Variants in CWF19L2 observed in about 807,000 individuals in gnomAD.
CWF19L2 encodes CWF19-like protein 2.
A neutral mutation model predicts 111.7 loss-of-function variants in CWF19L2; 98 were observed. That is an observed-to-expected ratio of 0.88 (90% CI 0.75 to 1.04). The LOEUF is 1.04. CWF19L2 is among the 50% of genes least tolerant of loss of function. The pLI, the probability that CWF19L2 is intolerant of heterozygous loss-of-function variation, is 0.00. For synonymous variants in CWF19L2, 351 were observed against 342.9 expected, an observed-to-expected ratio of 1.02 and a Z score of -0.26; for missense variants, 1,101 against 1,051.4, an observed-to-expected ratio of 1.05 and a Z score of -0.65.
intron 12 of CWF19L2, among the ~76,000 whole-genome samples, chr11:107,367,266 T>C (rs1294789992): frequency 2.2e-5 from 3 of 134,904 alleles, no homozygotes; most frequent in Non-Finnish European, 4.8e-5. Flanking sequence ...GAAGTCAGTG[T>C]GGCGATTCCT....
At chr11:107,414,877 T>C (rs1479752643) in intron 10 of CWF19L2, among the ~76,000 whole-genome samples, 2 of 152,220 alleles carry the variant, frequency 1.3e-5, no homozygotes, top group Non-Finnish European at 2.9e-5. Flanking sequence ...ATAGCTACTA[T>C]CTGTCTTGGT....
At chr11:107,410,496 A>G (rs1393052108) in intron 10 of CWF19L2, among the ~76,000 whole-genome samples, 5 of 151,918 alleles carry the variant, frequency 3.3e-5, no homozygotes, top group African/African-American at 1.2e-4. Context: ...TCCTTAGGGG[A>G]AAAAAAAGCT....
At chr11:107,344,099 G>A (rs1470661401) in intron 14 of CWF19L2, among the ~76,000 whole-genome samples, 2 of 152,172 alleles carry the variant, frequency 1.3e-5, no homozygotes, top group African/African-American at 4.8e-5. Context: ...TGTAGTGCCA[G>A]CTACTCAGGA....
chr11:107,408,922 G>A (rs945703655), intron 10 of CWF19L2, among the ~76,000 whole-genome samples: 3 of 151,964 alleles, frequency 2.0e-5, no homozygotes, highest in African/African-American at 7.2e-5. Context: ...AAAATTGAGA[G>A]TGCAAAGGCC....
chr11:107,404,538 G>C (rs1861051201), intron 10 of CWF19L2: 1 of 687,500 alleles, frequency 1.5e-6, no homozygotes, highest in Admixed American at 1.9e-5. Flanking sequence ...CTGGGCATTT[G>C]TGTTGCAGGA....
chr11:107,447,833 A>G (rs1591211003), intron 3 of CWF19L2, among the ~76,000 whole-genome samples: 1 of 152,234 alleles, frequency 6.6e-6, no homozygotes, highest in African/African-American at 2.4e-5. Flanking sequence ...TAATTGAAAC[A>G]GAACAGGAAA....
At chr11:107,412,936 G>T (rs886218372) in intron 10 of CWF19L2, among the ~76,000 whole-genome samples, 2 of 152,156 alleles carry the variant, frequency 1.3e-5, no homozygotes, top group African/African-American at 4.8e-5. Flanking sequence ...CAAAACTATG[G>T]AGACTAAAAA....
chr11:107,440,662 T>C (rs1179388503), intron 5 of CWF19L2, among the ~76,000 whole-genome samples: 3 of 152,168 alleles, frequency 2.0e-5, no homozygotes, highest in Non-Finnish European at 2.9e-5. Context: ...AGATACTATC[T>C]GAAAATGTAT....
intron 3 of CWF19L2, among the ~76,000 whole-genome samples, chr11:107,451,378 G>A (rs987547436): frequency 2.0e-5 from 3 of 152,008 alleles, no homozygotes; most frequent in African/African-American, 4.8e-5. Context: ...AATCAGTGGC[G>A]ATACATTCAT....
At chr11:107,394,979 A>G (rs1860901247) in intron 10 of CWF19L2, among the ~76,000 whole-genome samples, 1 of 152,230 alleles carries the variant, frequency 6.6e-6, no homozygotes, top group Non-Finnish European at 1.5e-5. Context: ...TAGACATTAA[A>G]TATTTGTTAC....
At chr11:107,454,642 G>GAA in intron 2 of CWF19L2, 70 bp from the exon 3 acceptor site, 1 of 1,073,264 alleles carries the variant, frequency 9.3e-7, no homozygotes, top group Non-Finnish European at 1.2e-6. Flanking sequence ...TATTCTGAGA[G>GAA]AAAAAAAATA....
In CWF19L2 at chr11:107,374,116, T is replaced by A. The variant is rs1253369804; in HGVS notation, c.1872+15958A>T. 2.2e-5 allele frequency among the ~76,000 whole-genome samples: 3 copies of A among 135,038 alleles called. 1 individual carries two copies. Among genetic ancestry groups the A allele is most frequent in the African/African-American group, 6.1e-5 (2 of 32,916 alleles). 88.6% of individuals were successfully genotyped at this position (135,038 alleles called of 152,430 possible). A position where few individuals can be genotyped will look rare whatever the true frequency, so the allele number is the denominator to read the frequency against. On this transcript the variant is annotated intron_variant, in intron 12 of 17. Transcript: ENST00000282251. ...GCAAAGCCTCCAAGAAATATGGGAC[T>A]ATGTGAAAAGACCAAATCTACGTCG...
At chr11:107,390,918 G>GC (rs749176037) in intron 11 of CWF19L2, among the ~76,000 whole-genome samples, 3 of 152,206 alleles carry the variant, frequency 2.0e-5, no homozygotes, top group Non-Finnish European at 4.4e-5. Context: ...TCAGCTGCCA[G>GC]CGAGTCAGAG....
At chr11:107,418,529 A>G (rs112214578) in intron 8 of CWF19L2, among the ~76,000 whole-genome samples, 2 of 152,200 alleles carry the variant, frequency 1.3e-5, no homozygotes, top group Non-Finnish European at 2.9e-5. Flanking sequence ...TAACAATGAG[A>G]TAAATAGTAC....
intron 17 of CWF19L2, among the ~76,000 whole-genome samples, chr11:107,327,348 T>A (rs1264055401): frequency 1.3e-5 from 2 of 152,100 alleles, no homozygotes; most frequent in Non-Finnish European, 2.9e-5. Flanking sequence ...CAAGTGAAAT[T>A]TAATTAATAT....
rs1860214929 is a variant in CWF19L2 at position 107,355,024 on chromosome 11, T to C, written c.1873-1288A>G. On this transcript the variant is annotated intron_variant, in intron 12 of 17. Transcript: ENST00000282251. Reference sequence around the variant, plus strand: ...CACACTCATTAACTTGTCTTTTTTTTCCATTACACTGCATTCTACTAAGTG... The same window carrying C: ...CACACTCATTAACTTGTCTTTTTTTCCCATTACACTGCATTCTACTAAGTG... 2.6e-5 allele frequency among the ~76,000 whole-genome samples: 4 copies of C among 152,206 alleles called. No individual in the cohort carries two copies. In the South Asian group the frequency reaches 8.3e-4, roughly 31 times the overall value.
chr11:107,327,111 T>A, intron 17 of CWF19L2, 58 bp from the exon 18 acceptor site: 1 of 1,433,900 alleles, frequency 7.0e-7, no homozygotes, highest in African/African-American at 1.5e-5. Context: ...AAAACAGAAA[T>A]GAAACTATTT....
rs17106919 is a variant in CWF19L2 at position 107,418,097 on chromosome 11, G to A, written c.1527+97C>T. ...TCAATAACCAACAGTTATTTTCACA[G>A]TGTGCTATATCCACACTGCTAAGGA... On this transcript the variant is annotated intron_variant, in intron 9 of 17. Coordinates refer to ENST00000282251, the MANE Select transcript of CWF19L2 (RefSeq NM_152434.3). 1,263 of 772,926 alleles carry A rather than the reference G, an allele frequency of 1.6e-3. 5 individuals carry two copies. The highest frequency in any genetic ancestry group is 0.012 in the African/African-American group (732 of 58,820). 47.9% of individuals were successfully genotyped at this position (772,926 alleles called of 1,614,324 possible).
intron 6 of CWF19L2, among the ~76,000 whole-genome samples, chr11:107,437,022 T>C (rs1354180046): frequency 1.3e-5 from 2 of 152,300 alleles, no homozygotes; most frequent in East Asian, 3.9e-4. Flanking sequence ...ATGATTAACC[T>C]ACTTTTCCAC....
Sources: gnomAD v4.1 joint callset for allele counts (sites outside exome capture counted in the v4.1 genomes callset) on GRCh38, gnomAD v4.1.1 for gene constraint, MANE v1.5 for transcripts, NCBI Gene and HGNC (gene_info 2026-07-23, HGNC 2026-07-21) for gene names.